Variants in GSE1 observed in about 807,000 individuals in gnomAD.
The protein encoded by GSE1 is genetic suppressor element 1.
Under a neutral mutation model 112.6 loss-of-function variants are expected in GSE1, and 32 were observed. The ratio of observed to expected loss-of-function variants is 0.28; its 90% CI spans 0.21 to 0.38. The LOEUF (loss-of-function observed/expected upper bound fraction) is 0.38. GSE1 is among the 10% of genes least tolerant of loss of function. The pLI is 1.00. For missense variants in GSE1, 2,348 were observed against 1,699.2 expected (o/e 1.38, Z -6.71); for synonymous variants, 1,115 against 735.6 (o/e 1.52, Z -8.35).
At chr16:85,659,025 A>G (rs2052208877) in intron 8 of GSE1, among the ~76,000 whole-genome samples, 2 of 152,242 alleles carry the variant, frequency 1.3e-5, no homozygotes, top group South Asian at 2.1e-4. Flanking sequence ...GCTCCAAGCT[A>G]GAAAACTGTT....
intron 2 of GSE1, among the ~76,000 whole-genome samples, chr16:85,384,187 C>G (rs1416072713): frequency 1.3e-5 from 2 of 152,230 alleles, no homozygotes; most frequent in Non-Finnish European, 2.9e-5. Context: ...TGAACACGGA[C>G]AGGTGACTGC....
At chr16:85,537,882 G>C (rs2044385032) in intron 2 of GSE1, among the ~76,000 whole-genome samples, 2 of 152,242 alleles carry the variant, frequency 1.3e-5, no homozygotes, top group African/African-American at 2.4e-5. Flanking sequence ...TTGAGTACAG[G>C]CTGGGATAGA....
At chr16:85,469,205 G>A (rs1422121523) in intron 2 of GSE1, among the ~76,000 whole-genome samples, 2 of 151,994 alleles carry the variant, frequency 1.3e-5, no homozygotes, top group African/African-American at 4.8e-5. Flanking sequence ...GCAGTGAGCC[G>A]AGATCGTGCC....
intron 2 of GSE1, among the ~76,000 whole-genome samples, chr16:85,500,053 T>C (rs918280970): frequency 8.5e-5 from 13 of 152,228 alleles, no homozygotes; most frequent in Non-Finnish European, 1.6e-4. Flanking sequence ...AGTAAAATCA[T>C]GAGACCACCC....
rs572129976 is a variant in GSE1 at position 85,634,089 on chromosome 16, C to G, written c.183C>G (p.Ala61=). 1 of 1,589,458 alleles carries G rather than the reference C, an allele frequency of 6.3e-7. No individual in the cohort carries two copies. The highest frequency in any genetic ancestry group is 1.1e-5 in the South Asian group (1 of 88,716). Residue 61 remains alanine, a synonymous_variant, in exon 2 of 16, where the codon GCC becomes GCG. Transcript: ENST00000253458. The stretch of plus-strand genomic sequence containing the variant: ...AGGCCGCGCCATCCTCCAGCTTTGC[C>G]GCCGCGCTGCGCAAGCTCGCCAAAC... ...SAQAAPSSSF[A]AALRKLAKQA... is the part of the protein sequence containing the mutation.
chr16:85,467,982 CA>C (rs2050172726), intron 2 of GSE1, among the ~76,000 whole-genome samples: 2 of 152,112 alleles, frequency 1.3e-5, no homozygotes, highest in South Asian at 2.1e-4. Flanking sequence ...TGGGAGGGGT[CA>C]GGGGTTGCAG....
At chr16:85,517,820 C>T (rs1390056569) in intron 2 of GSE1, among the ~76,000 whole-genome samples, 3 of 152,242 alleles carry the variant, frequency 2.0e-5, no homozygotes, top group Non-Finnish European at 4.4e-5. Context: ...ACATGCTGTG[C>T]GGGAGATAAA....
intron 1 of GSE1, among the ~76,000 whole-genome samples, chr16:85,574,066 G>A (rs1468202793): frequency 2.0e-5 from 3 of 152,142 alleles, no homozygotes; most frequent in African/African-American, 7.2e-5. Flanking sequence ...CATGGCGGGC[G>A]GGGGCGCCAG....
At chr16:85,258,729 C>G (rs1212143743) in intron 1 of GSE1, among the ~76,000 whole-genome samples, 1 of 152,188 alleles carries the variant, frequency 6.6e-6, no homozygotes, top group African/African-American at 2.4e-5. Flanking sequence ...CCAGCGGGGT[C>G]ACCATGCACT....
intron 2 of GSE1, among the ~76,000 whole-genome samples, chr16:85,544,521 G>A (rs575381697): frequency 6.6e-6 from 1 of 152,210 alleles, no homozygotes; most frequent in South Asian, 2.1e-4. Context: ...TAAAGGCAGA[G>A]AAGGACACAG....
intron 15 of GSE1, 81 bp from the exon 16 acceptor site, chr16:85,672,324 C>A: frequency 2.9e-6 from 3 of 1,025,358 alleles, no homozygotes; most frequent in East Asian, 4.9e-5. Flanking sequence ...GTTTACCCTT[C>A]CATCCAGCAT....
Position 85,578,901 on chromosome 16 carries a change from TCTC to T in GSE1, c.37+22542_37+22544del, listed in dbSNP as rs1269017256. Among the ~76,000 whole-genome samples, 3 of 151,588 alleles carry T rather than the reference TCTC, an allele frequency of 2.0e-5. No homozygotes were observed. The East Asian group carries it at 5.8e-4, about 29-fold the overall frequency. ...TTTTTTTTTTTAGCATCTTACTGCG[TCTC>T]CTCAACTGGACTGTAAGCTCCCCCC... On this transcript the variant is annotated intron_variant, in intron 1 of 2. Transcript: ENST00000635906.
At chr16:85,558,944 A>G (rs1285571550) in intron 1 of GSE1, among the ~76,000 whole-genome samples, 2 of 150,332 alleles carry the variant, frequency 1.3e-5, no homozygotes, top group African/African-American at 4.9e-5. Flanking sequence ...TGCAACCTCC[A>G]CCTTCCAGGT....
intron 1 of GSE1, among the ~76,000 whole-genome samples, chr16:85,622,820 A>G (rs1329332405): frequency 6.6e-6 from 1 of 152,172 alleles, no homozygotes; most frequent in Admixed American, 6.5e-5. Context: ...TTACACCCTC[A>G]TGGAGTTACC....
At chr16:85,437,441 G>T (rs376239112) in intron 2 of GSE1, among the ~76,000 whole-genome samples, 2 of 152,154 alleles carry the variant, frequency 1.3e-5, no homozygotes, top group Admixed American at 1.3e-4. Flanking sequence ...GGAGGCAGCC[G>T]TATGGTGCCT....
chr16:85,415,193 G>T (rs780414498), intron 2 of GSE1, among the ~76,000 whole-genome samples: 1 of 152,144 alleles, frequency 6.6e-6, no homozygotes, highest in Non-Finnish European at 1.5e-5. Flanking sequence ...TCCCACCTTG[G>T]CCTCTCAGAG....
At chr16:85,320,439 T>G (rs1046856587) in intron 1 of GSE1, among the ~76,000 whole-genome samples, 2 of 140,216 alleles carry the variant, frequency 1.4e-5, no homozygotes, top group African/African-American at 5.3e-5. Flanking sequence ...CATACCCGGC[T>G]AATGTTTTGT....
At chr16:85,365,226 G>A (rs913379754) in intron 2 of GSE1, among the ~76,000 whole-genome samples, 3 of 152,170 alleles carry the variant, frequency 2.0e-5, no homozygotes, top group Non-Finnish European at 2.9e-5. Context: ...CAGTATCCCC[G>A]GGAGACCAGC....
At chr16:85,278,804 A>G (rs961501977) in intron 1 of GSE1, 6 of 185,054 alleles carry the variant, frequency 3.2e-5, no homozygotes, top group Admixed American at 1.4e-4. Context: ...AAGATTATCT[A>G]TATTCCAAAA....
Sources: allele counts gnomAD v4.1 joint callset (sites outside exome capture counted in the v4.1 genomes callset), GRCh38; gene constraint gnomAD v4.1.1; transcripts MANE v1.5; gene names NCBI Gene and HGNC (gene_info 2026-07-23, HGNC 2026-07-21).